PDCD2L: variants seen among roughly 807,000 people sequenced by gnomAD.
PDCD2L encodes the protein uS5 assembly chaperone PDCD2L.
PDCD2L carries 44 observed loss-of-function variants against 40.4 expected under a neutral mutation model. The ratio of observed to expected loss-of-function variants is 1.09; its 90% CI spans 0.86 to 1.40. The LOEUF (loss-of-function observed/expected upper bound fraction) is 1.40, where lower values mean the gene tolerates loss of function less well. PDCD2L is among the 40% of genes most tolerant of loss of function. PDCD2L has a pLI of 0.00. For missense variants in PDCD2L, 470 were observed against 453.7 expected (o/e 1.04, Z -0.33); for synonymous variants, 194 against 174.6 (o/e 1.11, Z -0.88).
chr19:34,406,890 T>C (rs1232978500), intron 3 of PDCD2L, among the ~76,000 whole-genome samples: 1 of 145,348 alleles, frequency 6.9e-6, no homozygotes, highest in African/African-American at 2.6e-5. Context: ...TGGAGTGCAA[T>C]GGCACAATCT....
chr19:34,405,075 G>A (rs115486338), intron 3 of PDCD2L, 85 bp downstream of exon 3: 59,470 of 1,457,032 alleles, frequency 0.041, 1,788 homozygotes, highest in Admixed American at 0.14. Flanking sequence ...CTTTAAAGCC[G>A]TGTTCTTTGA....
chr19:34,423,732 G>C (rs1204917727), intron 6 of PDCD2L, among the ~76,000 whole-genome samples: 1 of 151,050 alleles, frequency 6.6e-6, no homozygotes, highest in Non-Finnish European at 1.5e-5. Flanking sequence ...CAAGTGATCC[G>C]TCCACCTCGA....
At chr19:34,410,520 G>A (rs1193069230) in intron 4 of PDCD2L, among the ~76,000 whole-genome samples, 1 of 152,086 alleles carries the variant, frequency 6.6e-6, no homozygotes, top group African/African-American at 2.4e-5. Context: ...CCAAAGTGCT[G>A]GGATTACAGG....
chr19:34,412,914 T>A (rs563975274), intron 4 of PDCD2L, among the ~76,000 whole-genome samples: 20 of 151,746 alleles, frequency 1.3e-4, no homozygotes, highest in Admixed American at 2.6e-4. Flanking sequence ...AATTTTTGTA[T>A]TTTTTTGTAG....
At chr19:34,410,064 C>T (rs1463858931) in intron 4 of PDCD2L, among the ~76,000 whole-genome samples, 1 of 151,072 alleles carries the variant, frequency 6.6e-6, no homozygotes, top group East Asian at 1.9e-4. Context: ...GCTTTATAAA[C>T]CAAAGCTCTC....
intron 5 of PDCD2L, among the ~76,000 whole-genome samples, chr19:34,414,474 CTTTTTTTTTT>C (rs35413401): frequency 2.5e-5 from 1 of 39,790 alleles, no homozygotes; most frequent in Non-Finnish European, 4.6e-5. Context: ...CCATGCCTGG[CTTTTTTTTTT>C]TTTTTTTTTT....
At chr19:34,405,762 C>T (rs113739706) in intron 3 of PDCD2L, among the ~76,000 whole-genome samples, 18 of 152,034 alleles carry the variant, frequency 1.2e-4, no homozygotes, top group Admixed American at 9.8e-4. Context: ...AAAAATTAGC[C>T]GGGCATGGTG....
At chr19:34,425,414 C>T (rs959461462) in intron 6 of PDCD2L, among the ~76,000 whole-genome samples, 3 of 151,324 alleles carry the variant, frequency 2.0e-5, no homozygotes, top group African/African-American at 7.3e-5. Context: ...GATCCTTCTG[C>T]CTTAGTCTCC....
At chr19:34,419,795 A>G (rs201250648) in intron 5 of PDCD2L, among the ~76,000 whole-genome samples, 2 of 5,610 alleles carry the variant, frequency 3.6e-4, no homozygotes, top group Non-Finnish European at 1.0e-3. Flanking sequence ...TTTTTTTTTT[A>G]AGAGATTGGG....
At chr19:34,425,815 TATCA>T in intron 6 of PDCD2L, among the ~76,000 whole-genome samples, 171 bp from the exon 7 acceptor site, 1 of 152,248 alleles carries the variant, frequency 6.6e-6, no homozygotes. Flanking sequence ...GCTTTTTTGT[TATCA>T]ATATTCACTT....
At chr19:34,416,708 C>T (rs1374811381) in intron 5 of PDCD2L, among the ~76,000 whole-genome samples, 5 of 152,198 alleles carry the variant, frequency 3.3e-5, no homozygotes, top group Non-Finnish European at 7.3e-5. Flanking sequence ...GAGTTGCCCC[C>T]TTTAGGTGTG....
chr19:34,425,318 T>A (rs1348535542), intron 6 of PDCD2L, among the ~76,000 whole-genome samples: 5 of 150,564 alleles, frequency 3.3e-5, no homozygotes, highest in African/African-American at 7.3e-5. Flanking sequence ...TTTTTTTTTT[T>A]AAGACAGGGT....
chr19:34,411,739 C>T (rs1379930602), intron 4 of PDCD2L, among the ~76,000 whole-genome samples: 4 of 151,912 alleles, frequency 2.6e-5, no homozygotes, highest in African/African-American at 4.8e-5. Context: ...ACTGCAACCT[C>T]CAGCTCCCAG....
chr19:34,410,046 C>G (rs2075094963), intron 4 of PDCD2L, among the ~76,000 whole-genome samples: 1 of 152,076 alleles, frequency 6.6e-6, no homozygotes, highest in African/African-American at 2.4e-5. Flanking sequence ...GAGGGTAGAT[C>G]TTGAAAGGCT....
chr19:34,417,086 C>T (rs1401241169), intron 5 of PDCD2L, among the ~76,000 whole-genome samples: 2 of 151,880 alleles, frequency 1.3e-5, no homozygotes, highest in Non-Finnish European at 2.9e-5. Flanking sequence ...TGCACTCCAG[C>T]CTGGGTGACA....
rs1305500553 is a variant in PDCD2L, at chr19:34,425,988, A to AG, written c.947dup. On this transcript the variant is annotated splice_acceptor_variant, in intron 6 of 6. Coordinates refer to ENST00000246535, the MANE Select transcript of PDCD2L (RefSeq NM_032346.2). LOFTEE classifies it high-confidence loss of function. ...GAAGCCTGAATATGTGGTATTTTTCAGGTCTTTCTGTGGAATTTGGAACAA... is the reference window on the plus strand; with the variant it reads ...GAAGCCTGAATATGTGGTATTTTTCAGGGTCTTTCTGTGGAATTTGGAACAA... 6.2e-7 allele frequency: 1 copy of AG among 1,610,082 alleles called. No individual in the cohort carries two copies. The highest frequency in any genetic ancestry group is 1.3e-5 in the African/African-American group (1 of 74,818).
chr19:34,412,635 T>C (rs1337554752), intron 4 of PDCD2L, among the ~76,000 whole-genome samples: 1 of 151,578 alleles, frequency 6.6e-6, no homozygotes, highest in Non-Finnish European at 1.5e-5. Context: ...GGAGAATTGC[T>C]TGAACCCAGG....
At chr19:34,407,751 G>A (rs770631401) in intron 3 of PDCD2L, among the ~76,000 whole-genome samples, 38 of 152,118 alleles carry the variant, frequency 2.5e-4, no homozygotes, top group Non-Finnish European at 4.7e-4. Flanking sequence ...ATGTGATAAT[G>A]TATACGTGTC....
At position 34,409,521 on chromosome 19, in the gene PDCD2L, G is replaced by T. The variant is rs1414042974; in HGVS notation, c.686+11G>T. On this transcript the variant is annotated intron_variant, in intron 4 of 6. Transcript: ENST00000246535. ...GTTGCTTTCCCAAAGGTGAGGATGT[G>T]TGCTGCTGAGGTTGAGAGGTGACTG... 1.2e-6 allele frequency: 2 copies of T among 1,607,072 alleles called. No homozygotes were observed. The highest frequency in any genetic ancestry group is 1.7e-6 in the Non-Finnish European group (2 of 1,174,886).
Sources: gnomAD v4.1 joint callset for allele counts (sites outside exome capture counted in the v4.1 genomes callset) on GRCh38, gnomAD v4.1.1 for gene constraint, MANE v1.5 for transcripts, NCBI Gene and HGNC (gene_info 2026-07-23, HGNC 2026-07-21) for gene names.